The following SNTG1 variants were observed in gnomAD, a reference collection of about 807,000 sequenced individuals.
SNTG1 encodes syntrophin gamma 1.
SNTG1 carries 39 observed loss-of-function variants against 74.7 expected under a neutral mutation model. The observed-to-expected ratio is 0.52, with a 90% CI of 0.40 to 0.68. SNTG1 has a LOEUF of 0.68. Among genes scored for constraint, SNTG1 ranks in the 30% least tolerant of loss-of-function variants. The pLI is 0.00. For synonymous variants in SNTG1, 254 were observed against 217.1 expected, an observed-to-expected ratio of 1.17 and a Z score of -1.49; for missense variants, 685 against 609.5, an observed-to-expected ratio of 1.12 and a Z score of -1.30.
intron 2 of SNTG1, among the ~76,000 whole-genome samples, chr8:50,378,895 C>A (rs1216619386): frequency 6.6e-6 from 1 of 152,004 alleles, no homozygotes; most frequent in Non-Finnish European, 1.5e-5. Context: ...ATAGGTAGGC[C>A]CAGAAAAGGC....
chr8:50,154,461 C>G (rs928826534), intron 1 of SNTG1, among the ~76,000 whole-genome samples: 1 of 152,142 alleles, frequency 6.6e-6, no homozygotes, highest in Non-Finnish European at 1.5e-5. Context: ...CAACGTGCCC[C>G]AGTGAGATGA....
intron 2 of SNTG1, among the ~76,000 whole-genome samples, chr8:50,374,609 T>C (rs1248521740): frequency 2.0e-5 from 3 of 152,206 alleles, no homozygotes; most frequent in Non-Finnish European, 4.4e-5. Context: ...TGGTGGTCTT[T>C]AAACTTTGCT....
intron 2 of SNTG1, among the ~76,000 whole-genome samples, chr8:50,189,868 A>C (rs2131773592): frequency 6.6e-6 from 1 of 152,322 alleles, no homozygotes; most frequent in South Asian, 2.1e-4. Context: ...ACATCTAATA[A>C]TTGAACTTTT....
chr8:50,085,015 C>G (rs1282133778), intron 1 of SNTG1, among the ~76,000 whole-genome samples: 1 of 152,124 alleles, frequency 6.6e-6, no homozygotes, highest in Non-Finnish European at 1.5e-5. Context: ...ATGTTTGTAA[C>G]TACAATTAAT....
At chr8:49,945,669 C>A (rs1270140613) in intron 1 of SNTG1, among the ~76,000 whole-genome samples, 2 of 152,162 alleles carry the variant, frequency 1.3e-5, no homozygotes, top group African/African-American at 4.8e-5. Flanking sequence ...AAAGGGGCAG[C>A]AGTTGTGAGT....
intron 2 of SNTG1, among the ~76,000 whole-genome samples, chr8:50,184,300 G>C (rs1369748502): frequency 1.3e-5 from 2 of 151,836 alleles, no homozygotes; most frequent in Non-Finnish European, 2.9e-5. Context: ...TGAATAGCTG[G>C]GATTACAGGT....
At chr8:50,314,167 A>G (rs2090225926) in intron 2 of SNTG1, among the ~76,000 whole-genome samples, 1 of 149,592 alleles carries the variant, frequency 6.7e-6, no homozygotes, top group Admixed American at 6.8e-5. Context: ...TGAGGTGAGC[A>G]TTCTGATTCG....
intron 2 of SNTG1, among the ~76,000 whole-genome samples, chr8:50,184,451 A>G (rs2083313001): frequency 2.0e-5 from 3 of 152,154 alleles, no homozygotes; most frequent in Non-Finnish European, 1.5e-5. Context: ...GGTGTGAGCC[A>G]CCGTGCCCGG....
intron 15 of SNTG1, among the ~76,000 whole-genome samples, chr8:50,699,204 G>A (rs2095415258): frequency 8.8e-6 from 1 of 113,440 alleles, no homozygotes; most frequent in Non-Finnish European, 2.1e-5. Context: ...AAGCAAGCAG[G>A]AAGAGGAAGA....
chr8:50,016,255 AATCTGATAG>A (rs979488565), intron 1 of SNTG1, among the ~76,000 whole-genome samples: 1 of 152,116 alleles, frequency 6.6e-6, no homozygotes, highest in Non-Finnish European at 1.5e-5. Flanking sequence ...CACATGTCAC[AATCTGATAG>A]AGAAATGGTT....
chr8:50,655,754 A>G (rs567338438), intron 13 of SNTG1, among the ~76,000 whole-genome samples: 1 of 152,290 alleles, frequency 6.6e-6, no homozygotes, highest in Non-Finnish European at 1.5e-5. Flanking sequence ...AAATTCTTGC[A>G]TTGTTATTAG....
At position 49,940,267 on chromosome 8, in the gene SNTG1, A is replaced by G. The variant is rs984274378; in HGVS notation, c.-103+28036A>G. ...GAGCAGGGATGTGCAAAATGCCTCGAAAGACAGAGGATCCCAGCACCCAGG... is the reference window on the plus strand; with the variant it reads ...GAGCAGGGATGTGCAAAATGCCTCGGAAGACAGAGGATCCCAGCACCCAGG... On this transcript the variant is annotated intron_variant, in intron 1 of 18. Coordinates refer to ENST00000642720, the MANE Select transcript of SNTG1 (RefSeq NM_018967.5). Among the ~76,000 whole-genome samples, 8 of 152,194 alleles carry G rather than the reference A, an allele frequency of 5.3e-5. No homozygotes were observed. The South Asian group carries it at 8.3e-4, about 16-fold the overall frequency.
intron 18 of SNTG1, among the ~76,000 whole-genome samples, chr8:50,753,792 GA>G (rs139754509): frequency 0.02 from 3,006 of 150,666 alleles, 91 homozygotes; most frequent in African/African-American, 0.065. Context: ...TTATGGAATA[GA>G]AAAAAAAAGT....
chr8:50,140,753 C>G (rs1200391385), intron 1 of SNTG1, among the ~76,000 whole-genome samples: 3 of 152,152 alleles, frequency 2.0e-5, no homozygotes, highest in African/African-American at 7.2e-5. Context: ...TTTGACATAT[C>G]TATCTTCATT....
chr8:50,655,454 G>A, intron 13 of SNTG1, among the ~76,000 whole-genome samples: 1 of 152,246 alleles, frequency 6.6e-6, no homozygotes, highest in East Asian at 1.9e-4. Flanking sequence ...GCATATGTTA[G>A]TAACCTAAAA....
At chr8:50,447,665 G>A (rs115010644) in intron 5 of SNTG1, among the ~76,000 whole-genome samples, 19 of 152,208 alleles carry the variant, frequency 1.2e-4, no homozygotes, top group African/African-American at 3.6e-4. Context: ...GGTTTACATC[G>A]ATGCACAAAA....
intron 5 of SNTG1, among the ~76,000 whole-genome samples, chr8:50,447,527 C>G (rs2093417713): frequency 6.6e-6 from 1 of 152,182 alleles, no homozygotes; most frequent in Non-Finnish European, 1.5e-5. Context: ...TTTCTAATTT[C>G]CAAGTGTCTC....
intron 1 of SNTG1, chr8:50,163,485 T>C (rs1483203177): frequency 1.3e-5 from 2 of 150,908 alleles, no homozygotes; most frequent in African/African-American, 2.4e-5. Flanking sequence ...TTTTTTCTTT[T>C]TTTTTTTTTT....
chr8:50,082,829 G>C (rs1394637131), intron 1 of SNTG1, among the ~76,000 whole-genome samples: 1 of 152,130 alleles, frequency 6.6e-6, no homozygotes, highest in African/African-American at 2.4e-5. Context: ...TCAGGGATAT[G>C]TGGCTAGCTT....
Sources: gnomAD v4.1 joint callset for allele counts (sites outside exome capture counted in the v4.1 genomes callset) on GRCh38, gnomAD v4.1.1 for gene constraint, MANE v1.5 for transcripts, NCBI Gene and HGNC (gene_info 2026-07-23, HGNC 2026-07-21) for gene names.